CLVS1: variants seen among roughly 807,000 people sequenced by gnomAD.
CLVS1 encodes clavesin 1.
A neutral mutation model predicts 33.1 loss-of-function variants in CLVS1; 10 were observed. The observed-to-expected ratio is 0.30, with a 90% CI of 0.19 to 0.51. The LOEUF is 0.51. CLVS1 is among the 20% of genes least tolerant of loss of function. CLVS1 has a pLI of 0.97. For synonymous variants in CLVS1, 163 were observed against 166.1 expected (o/e 0.98, Z 0.14); for missense variants, 343 against 433.4 (o/e 0.79, Z 1.85).
the CLVS1 span, among the ~76,000 whole-genome samples, chr8:61,033,038 A>G: frequency 8.9e-6 from 1 of 111,816 alleles, no homozygotes; most frequent in African/African-American, 3.2e-5. Context: ...AGAAAGAAAG[A>G]AAGAAAGAAA....
At chr8:60,988,505 A>G in the CLVS1 span, among the ~76,000 whole-genome samples, 3 of 152,072 alleles carry the variant, frequency 2.0e-5, no homozygotes, top group South Asian at 2.1e-4. Context: ...GAGTCATTCT[A>G]TGTAAAACAG....
intron 3 of CLVS1, among the ~76,000 whole-genome samples, chr8:61,402,749 C>T (rs1015018773): frequency 6.6e-6 from 1 of 152,120 alleles, no homozygotes; most frequent in Non-Finnish European, 1.5e-5. Context: ...GGGAGTGGTG[C>T]AACTTAATCT....
intron 2 of CLVS1, among the ~76,000 whole-genome samples, chr8:61,306,077 T>C (rs1183249718): frequency 3.9e-5 from 6 of 152,178 alleles, no homozygotes; most frequent in Admixed American, 3.9e-4. Flanking sequence ...CTGGGTCAAG[T>C]GGTATTTCTG....
chr8:61,316,540 TG>T (rs1158217701), intron 2 of CLVS1, among the ~76,000 whole-genome samples: 2 of 152,248 alleles, frequency 1.3e-5, no homozygotes, highest in African/African-American at 2.4e-5. Context: ...AATTGATTGC[TG>T]TATCCTAACT....
chr8:61,209,627 C>T (rs777887743), intron 2 of CLVS1, among the ~76,000 whole-genome samples: 3 of 152,216 alleles, frequency 2.0e-5, no homozygotes, highest in South Asian at 2.1e-4. Flanking sequence ...CCATGTTTTT[C>T]GACTTGAGCA....
At chr8:61,097,207 T>G (rs958136978) in intron 1 of CLVS1, among the ~76,000 whole-genome samples, 4 of 150,604 alleles carry the variant, frequency 2.7e-5, no homozygotes, top group Admixed American at 1.3e-4. Flanking sequence ...TAAAAATAAA[T>G]AAATAACCCA....
At position 61,280,193 on chromosome 8, in the gene CLVS1, C is replaced by G. The variant is rs192743859; in HGVS notation, c.-151-19484C>G. On this transcript the variant is annotated intron_variant, in intron 2 of 2. Coordinates refer to the CLVS1 transcript ENST00000522621. ...AAATGATGTCGAATTTCTGCTGAATCCATTAAAAATCAGGCTACTGATATT... is the reference window on the plus strand; with the variant it reads ...AAATGATGTCGAATTTCTGCTGAATGCATTAAAAATCAGGCTACTGATATT... 4.6e-5 allele frequency among the ~76,000 whole-genome samples: 7 copies of G among 152,198 alleles called. No individual in the cohort carries two copies. In the East Asian group the frequency reaches 1.3e-3, roughly 29 times the overall value.
intron 5 of CLVS1, among the ~76,000 whole-genome samples, chr8:61,462,197 C>A (rs1817392102): frequency 6.6e-6 from 1 of 152,164 alleles, no homozygotes; most frequent in South Asian, 2.1e-4. Context: ...GGCTCAACTT[C>A]TTCCAAAGTC....
chr8:61,136,260 G>C (rs552327840), intron 2 of CLVS1, among the ~76,000 whole-genome samples: 1 of 152,198 alleles, frequency 6.6e-6, no homozygotes, highest in South Asian at 2.1e-4. Context: ...AGGGAGGCTG[G>C]AGATGTGATT....
chr8:61,173,206 T>G (rs1053667925), intron 2 of CLVS1, among the ~76,000 whole-genome samples: 2 of 152,204 alleles, frequency 1.3e-5, no homozygotes, highest in Non-Finnish European at 2.9e-5. Context: ...TTTGGTGCAA[T>G]TCAGAGATAT....
chr8:61,184,307 A>T (rs1807298829), intron 2 of CLVS1, among the ~76,000 whole-genome samples: 1 of 152,164 alleles, frequency 6.6e-6, no homozygotes, highest in Non-Finnish European at 1.5e-5. Context: ...GAGAGGAGAA[A>T]GTGAGCATTT....
intron 2 of CLVS1, among the ~76,000 whole-genome samples, chr8:61,275,910 CT>C (rs1186670109): frequency 1.3e-5 from 2 of 152,132 alleles, no homozygotes; most frequent in Admixed American, 6.5e-5. Flanking sequence ...GTCAACAGGA[CT>C]TCATTTTAAG....
chr8:61,360,928 A>T (rs1022637298), intron 2 of CLVS1, among the ~76,000 whole-genome samples: 4 of 152,042 alleles, frequency 2.6e-5, no homozygotes, highest in African/African-American at 9.7e-5. Flanking sequence ...GAATTGGTTC[A>T]TAGTTCTGCA....
At chr8:61,262,337 T>C (rs1347664899) in intron 2 of CLVS1, among the ~76,000 whole-genome samples, 1 of 152,048 alleles carries the variant, frequency 6.6e-6, no homozygotes. Flanking sequence ...TTAAAACATG[T>C]CATACGATGC....
intron 3 of CLVS1, among the ~76,000 whole-genome samples, chr8:61,432,048 T>C (rs1425523943): frequency 6.6e-6 from 1 of 152,248 alleles, no homozygotes; most frequent in African/African-American, 2.4e-5. Flanking sequence ...GGCCAATGCA[T>C]ATCTTTCAGC....
At chr8:61,005,961 A>G in the CLVS1 span, among the ~76,000 whole-genome samples, 1 of 152,198 alleles carries the variant, frequency 6.6e-6, no homozygotes, top group Non-Finnish European at 1.5e-5. Context: ...TTGGCATTTA[A>G]CTATAATTAA....
intron 5 of CLVS1, among the ~76,000 whole-genome samples, chr8:61,464,309 G>A (rs370833378): frequency 3.9e-5 from 6 of 152,168 alleles, no homozygotes; most frequent in African/African-American, 1.4e-4. Context: ...TAATATTAAT[G>A]TTGAATGAAT....
chr8:61,141,481 A>G (rs182813645), intron 2 of CLVS1, among the ~76,000 whole-genome samples: 5,321 of 138,922 alleles, frequency 0.038, 312 homozygotes, highest in African/African-American at 0.13. Context: ...TGGCTTATGT[A>G]TATATATATA....
Position 61,294,951 on chromosome 8 carries a change from T to C in CLVS1, c.-151-4726T>C, listed in dbSNP as rs182981583. On this transcript the variant is annotated intron_variant, in intron 1 of 5. Transcript: ENST00000325897. The stretch of plus-strand genomic sequence containing the variant: ...GAAATACAAAAGGATTTTTTTCTAA[T>C]GTAAACTTGAGATGAAATATACAAC... Among the ~76,000 whole-genome samples, 39 of 152,326 alleles carry C rather than the reference T, an allele frequency of 2.6e-4. 1 individual carries two copies. Among genetic ancestry groups the C allele is most frequent in the Admixed American group, 2.4e-3 (36 of 15,298 alleles).
Sources: allele counts gnomAD v4.1 joint callset (sites outside exome capture counted in the v4.1 genomes callset), GRCh38; gene constraint gnomAD v4.1.1; transcripts MANE v1.5; gene names NCBI Gene and HGNC (gene_info 2026-07-23, HGNC 2026-07-21).